The following CEP162 variants were observed in gnomAD, a reference collection of about 807,000 sequenced individuals.
CEP162 encodes centrosomal protein 162.
Under a neutral mutation model 169.2 loss-of-function variants are expected in CEP162, and 141 were observed. The ratio of observed to expected loss-of-function variants is 0.83; its 90% confidence interval spans 0.73 to 0.96. CEP162 has a LOEUF of 0.96. Among genes scored for constraint, CEP162 ranks in the 40% least tolerant of loss-of-function variants. CEP162 has a pLI of 0.00. For synonymous variants in CEP162, 540 were observed against 526.4 expected, an observed-to-expected ratio of 1.03 and a Z score of -0.35; for missense variants, 1,600 against 1,587.2, an observed-to-expected ratio of 1.01 and a Z score of -0.14.
chr6:84,180,574 A>C (rs1290790163), intron 13 of CEP162, among the ~76,000 whole-genome samples: 30 of 150,824 alleles, frequency 2.0e-4, no homozygotes, highest in African/African-American at 6.5e-4. Context: ...TGCAGATGAC[A>C]TGATTGTGTA....
intron 25 of CEP162, among the ~76,000 whole-genome samples, chr6:84,137,539 AAAAAT>A (rs1337092522): frequency 4.6e-5 from 7 of 152,306 alleles, no homozygotes; most frequent in African/African-American, 1.7e-4. Context: ...GCAGATTAAA[AAAAAT>A]AAAACCCCAC....
At chr6:84,226,879 A>G (rs2099555936) in intron 1 of CEP162, among the ~76,000 whole-genome samples, 1 of 152,206 alleles carries the variant, frequency 6.6e-6, no homozygotes, top group Non-Finnish European at 1.5e-5. Flanking sequence ...TCGTTATTTT[A>G]CCAATCCATA....
chr6:84,211,449 C>T (rs538989734), intron 6 of CEP162, among the ~76,000 whole-genome samples: 50 of 150,040 alleles, frequency 3.3e-4, no homozygotes, highest in Admixed American at 6.6e-4. Flanking sequence ...ATGGCATGAG[C>T]CCGGGAGGCG....
chr6:84,174,231 G>C, intron 15 of CEP162, 43 bp from the exon 16 acceptor site: 1 of 1,508,380 alleles, frequency 6.6e-7, no homozygotes, highest in Non-Finnish European at 9.1e-7. Context: ...GGAAGGAAAT[G>C]ATAAGGTGAG....
chr6:84,208,802 A>T (rs1256558350), intron 6 of CEP162, among the ~76,000 whole-genome samples: 1 of 152,268 alleles, frequency 6.6e-6, no homozygotes, highest in East Asian at 1.9e-4. Context: ...CAGTAGACAT[A>T]TAGTTAAAAT....
intron 11 of CEP162, among the ~76,000 whole-genome samples, chr6:84,191,730 AG>A (rs561904418): frequency 8.4e-4 from 128 of 152,256 alleles, no homozygotes; most frequent in African/African-American, 3.0e-3. Context: ...TGCTTGGGGA[AG>A]GGGATAAGTT....
chr6:84,127,103 C>T (rs1337601929), intron 25 of CEP162, among the ~76,000 whole-genome samples: 3 of 152,120 alleles, frequency 2.0e-5, no homozygotes, highest in African/African-American at 7.2e-5. Flanking sequence ...ATTAAAGACA[C>T]AGACCCCATC....
chr6:84,155,124 TG>T (rs1299571989), intron 22 of CEP162, among the ~76,000 whole-genome samples, 173 bp downstream of exon 22: 1 of 152,188 alleles, frequency 6.6e-6, no homozygotes, highest in Non-Finnish European at 1.5e-5. Flanking sequence ...GAAAAGTTGC[TG>T]AAAGACGACA....
At chr6:84,202,518 C>CTTTTTTTTTTT (rs70987776) in intron 7 of CEP162, among the ~76,000 whole-genome samples, 5 of 90,744 alleles carry the variant, frequency 5.5e-5, no homozygotes, top group Non-Finnish European at 1.0e-4. Flanking sequence ...TTCTTTCTTT[C>CTTTTTTTTTTT]TTTTTTTTTT....
At position 84,200,814 on chromosome 6, in the gene CEP162, C is replaced by T. The variant is rs538675954; in HGVS notation, c.810G>A (p.Met270Ile). Residue 270 changes from methionine (M) to isoleucine (I), a missense_variant, in exon 9 of 27, where the codon ATG becomes ATA. Physicochemically the swap from Met to Ile is conservative, Grantham distance 10. Transcript: ENST00000403245. Reference sequence around the variant, plus strand: ...CTGTTCCTGTCATTTCATTCTCAGTCATTTCTGGTAGGCACCTTGGCTTAG... The same window carrying T: ...CTGTTCCTGTCATTTCATTCTCAGTTATTTCTGGTAGGCACCTTGGCTTAG... ...ITPKPRCLPE[M>I]TENEMTGTGV... 4 of 1,605,632 alleles carry T rather than the reference C, an allele frequency of 2.5e-6. No individual in the cohort carries two copies. Among genetic ancestry groups the T allele is most frequent in the Admixed American group, 3.3e-5 (2 of 59,992 alleles).
At chr6:84,192,405 A>T (rs1263909166) in intron 11 of CEP162, among the ~76,000 whole-genome samples, 1 of 152,244 alleles carries the variant, frequency 6.6e-6, no homozygotes, top group East Asian at 1.9e-4. Flanking sequence ...CTCTGTAGTT[A>T]CCGCTAACAT....
intron 5 of CEP162, 146 bp from the exon 6 acceptor site, chr6:84,213,170 G>A (rs16874339): frequency 0.021 from 10,084 of 470,366 alleles, 222 homozygotes; most frequent in African/African-American, 0.083. Context: ...AAAAATTTGG[G>A]AACTTTAAGG....
chr6:84,126,655 C>A lies in CEP162; in HGVS notation c.3871-143G>T, dbSNP rs761126916. 114 of 548,106 alleles carry A rather than the reference C, an allele frequency of 2.1e-4. No homozygotes were observed. In the Middle Eastern group the frequency reaches 2.5e-3, roughly 12 times the overall value. The allele number at this position is 548,106 out of a possible 1,614,324, so 34.0% of individuals were successfully genotyped here. A position where few individuals can be genotyped will look rare whatever the true frequency, so the allele number is the denominator to read the frequency against. On this transcript the variant is annotated intron_variant, in intron 25 of 26. Transcript: ENST00000403245. ...GTTAGAGTAATTAATAGCTTTCATT[C>A]TCTATATCCAGAAAGTAAAGGTTCC...
At position 84,186,594 on chromosome 6, in the gene CEP162, GTTTCT is replaced by G; in HGVS notation, c.1134_1138del (p.Lys378AsnfsTer2). On this transcript the variant is annotated frameshift_variant, in exon 12 of 27. Coordinates refer to ENST00000403245, the MANE Select transcript of CEP162 (RefSeq NM_014895.4). LOFTEE classifies it high-confidence loss of function. ...CAGGGGTAAAGAGCTAAAAAATTCA[GTTTCT>G]TTTCTTTCGGCCACTTTCTCAGAGC... The G allele has an allele frequency of 1.9e-6, 3 of 1,604,510 alleles. No individual in the cohort carries two copies. The South Asian group carries it at 3.3e-5, about 18-fold the overall frequency.
chr6:84,200,592 C>T (rs1292736032), intron 9 of CEP162, among the ~76,000 whole-genome samples, 197 bp downstream of exon 9: 1 of 152,204 alleles, frequency 6.6e-6, no homozygotes, highest in African/African-American at 2.4e-5. Flanking sequence ...TAAAACCTCA[C>T]TTTACTTGGC....
intron 25 of CEP162, among the ~76,000 whole-genome samples, chr6:84,128,890 G>T (rs1393751021): frequency 7.0e-6 from 1 of 143,324 alleles, no homozygotes; most frequent in African/African-American, 2.6e-5. Flanking sequence ...CCCCTCCTAT[G>T]TCACTGTGTT....
At chr6:84,142,855 G>GT (rs2099517248) in intron 25 of CEP162, among the ~76,000 whole-genome samples, 1 of 151,574 alleles carries the variant, frequency 6.6e-6, no homozygotes, top group East Asian at 1.9e-4. Context: ...TAACTTTTGA[G>GT]TTCTTGTGCT....
chr6:84,224,458 T>C (rs940954307), intron 2 of CEP162, among the ~76,000 whole-genome samples: 1 of 152,172 alleles, frequency 6.6e-6, no homozygotes, highest in Non-Finnish European at 1.5e-5. Flanking sequence ...ATTCCTATAA[T>C]TGATTGTGGT....
rs529110248 is a variant in CEP162, at chr6:84,150,140, T to C, written c.3630-437A>G. On this transcript the variant is annotated intron_variant, in intron 23 of 26. Coordinates refer to ENST00000403245, the MANE Select transcript of CEP162 (RefSeq NM_014895.4). Reference sequence around the variant, plus strand: ...CCAATTTTCAACCCATGCATGAGACTCCAGGGCTAGTTGCATATTGTGAGA... The same window carrying C: ...CCAATTTTCAACCCATGCATGAGACCCCAGGGCTAGTTGCATATTGTGAGA... Among the ~76,000 whole-genome samples the C allele has an allele frequency of 4.9e-4, 75 of 152,232 alleles. No homozygotes were observed. The Middle Eastern group carries it at 0.014, about 28-fold the overall frequency.
Sources: allele counts gnomAD v4.1 joint callset (sites outside exome capture counted in the v4.1 genomes callset), GRCh38; gene constraint gnomAD v4.1.1; transcripts MANE v1.5; gene names NCBI Gene and HGNC (gene_info 2026-07-23, HGNC 2026-07-21).